Variants in EYA1 observed in about 807,000 individuals in gnomAD.
The protein encoded by EYA1 is EYA transcriptional coactivator and phosphatase 1.
A neutral mutation model predicts 82.0 loss-of-function variants in EYA1; 16 were observed. That is an observed-to-expected ratio of 0.20 (90% CI 0.13 to 0.30). EYA1 has a LOEUF of 0.30. EYA1 is among the 10% of genes least tolerant of loss of function. EYA1 has a pLI of 1.00. For missense variants in EYA1, 633 were observed against 730.7 expected, an observed-to-expected ratio of 0.87 and a Z score of 1.54; for synonymous variants, 261 against 264.4, an observed-to-expected ratio of 0.99 and a Z score of 0.12.
At chr8:71,274,363 A>C (rs766283449) in intron 9 of EYA1, among the ~76,000 whole-genome samples, 1 of 152,186 alleles carries the variant, frequency 6.6e-6, no homozygotes, top group Non-Finnish European at 1.5e-5. Flanking sequence ...CCAGACTCTA[A>C]CTTCTCCTTC....
chr8:71,417,134 C>T (rs1432562412), intron 2 of EYA1, among the ~76,000 whole-genome samples: 2 of 152,178 alleles, frequency 1.3e-5, no homozygotes, highest in Non-Finnish European at 2.9e-5. Context: ...CTTTGGGACT[C>T]GGACTGGCTT....
intron 1 of EYA1, among the ~76,000 whole-genome samples, chr8:71,360,059 C>T (rs774451054): frequency 6.6e-6 from 1 of 152,036 alleles, no homozygotes; most frequent in African/African-American, 2.4e-5. Context: ...TCTAGGGAGA[C>T]GTCAATGTTT....
intron 1 of EYA1, among the ~76,000 whole-genome samples, chr8:71,360,516 G>A (rs973031744): frequency 2.0e-5 from 3 of 152,242 alleles, no homozygotes; most frequent in Non-Finnish European, 4.4e-5. Flanking sequence ...GTCTGTCACC[G>A]CAAAGAATGT....
rs542278127 is a variant in EYA1, at chr8:71,437,591, C to T, written c.34-81080G>A. ...TTATTACTTTTTAAAAGAAATTTAA[C>T]GTTAAGGTAAATCATGCTCTAAAAT... On this transcript the variant is annotated intron_variant, in intron 2 of 18. Coordinates refer to the EYA1 transcript ENST00000643681. Among the ~76,000 whole-genome samples the T allele has an allele frequency of 2.0e-5, 3 of 151,970 alleles. No individual in the cohort carries two copies. In the South Asian group the frequency reaches 6.2e-4, roughly 32 times the overall value.
rs12115159 is a variant in EYA1, at chr8:71,356,825, T to C, written c.-54-314A>G. 738 of 912,432 alleles carry C rather than the reference T, an allele frequency of 8.1e-4. 2 individuals are homozygous for C. In the African/African-American group the frequency reaches 0.012, roughly 15 times the overall value. The allele number at this position is 912,432 out of a possible 1,614,324, so 56.5% of individuals were successfully genotyped here. A position where few individuals can be genotyped will look rare whatever the true frequency, so the allele number is the denominator to read the frequency against. ...CCCCAATCAACATGCAAAGCAGCCT[T>C]GCCCAGGCAGCTTGGAAAAGGTGCT... On this transcript the variant is annotated intron_variant, in intron 1 of 17. Coordinates refer to ENST00000340726, the MANE Select transcript of EYA1 (RefSeq NM_000503.6).
chr8:71,385,424 C>T (rs1409840051), intron 2 of EYA1, among the ~76,000 whole-genome samples: 1 of 151,754 alleles, frequency 6.6e-6, no homozygotes, highest in Non-Finnish European at 1.5e-5. Flanking sequence ...AATGTAGGTA[C>T]AAAAAAAGAG....
At chr8:71,538,822 C>T (rs555626682) in intron 1 of EYA1, among the ~76,000 whole-genome samples, 3 of 152,120 alleles carry the variant, frequency 2.0e-5, no homozygotes, top group African/African-American at 7.2e-5. Flanking sequence ...GTGTGGAGTA[C>T]CAGAGGCAGG....
chr8:71,374,390 C>T, intron 2 of EYA1, among the ~76,000 whole-genome samples: 1 of 152,116 alleles, frequency 6.6e-6, no homozygotes, highest in Non-Finnish European at 1.5e-5. Flanking sequence ...AGATAATCAA[C>T]ATCACTAATC....
intron 2 of EYA1, among the ~76,000 whole-genome samples, chr8:71,462,334 T>C (rs1487861081): frequency 2.0e-5 from 3 of 152,030 alleles, no homozygotes; most frequent in African/African-American, 7.2e-5. Context: ...GCTCCAAGTG[T>C]GCACACACCC....
chr8:71,285,471 G>A (rs1818268321), intron 9 of EYA1, among the ~76,000 whole-genome samples: 1 of 152,136 alleles, frequency 6.6e-6, no homozygotes, highest in Admixed American at 6.5e-5. Flanking sequence ...CAGAGAAAGT[G>A]TACTCCTTAC....
chr8:71,516,391 GACA>G (rs1812976935), intron 2 of EYA1, among the ~76,000 whole-genome samples: 1 of 152,048 alleles, frequency 6.6e-6, no homozygotes, highest in Non-Finnish European at 1.5e-5. Flanking sequence ...GGTGAGAGAG[GACA>G]ACTAGTTGGA....
intron 3 of EYA1, 116 bp downstream of exon 3, chr8:71,354,666 G>T: frequency 9.9e-7 from 1 of 1,006,314 alleles, no homozygotes. Context: ...ACCTAAAGGG[G>T]AAATATAAGA....
At chr8:71,354,341 A>G (rs1382505969) in intron 3 of EYA1, among the ~76,000 whole-genome samples, 1 of 152,184 alleles carries the variant, frequency 6.6e-6, no homozygotes, top group African/African-American at 2.4e-5. Flanking sequence ...TGATATTTAC[A>G]AACAATCCAG....
intron 4 of EYA1, among the ~76,000 whole-genome samples, chr8:71,326,626 CCTGGGAGAG>C (rs777294299): frequency 3.3e-5 from 5 of 152,188 alleles, no homozygotes; most frequent in African/African-American, 4.8e-5. Flanking sequence ...CAGGCCTGTT[CCTGGGAGAG>C]CTGGGGCTCC....
intron 11 of EYA1, among the ~76,000 whole-genome samples, chr8:71,249,892 A>G (rs920323185): frequency 1.4e-4 from 22 of 152,198 alleles, no homozygotes; most frequent in African/African-American, 5.1e-4. Context: ...CATTCTTTAG[A>G]GGAATGGCAT....
In EYA1 at chr8:71,285,936, A is replaced by G. The variant is rs144156658; in HGVS notation, c.826+13111T>C. ...AGAAGGGTTTAAGATAACCCACCAA[A>G]TATATACATAATAACTATACAGTCA... On this transcript the variant is annotated intron_variant, in intron 9 of 17. Coordinates refer to ENST00000340726, the MANE Select transcript of EYA1 (RefSeq NM_000503.6). 4.4e-3 allele frequency among the ~76,000 whole-genome samples: 669 copies of G among 152,350 alleles called. 6 individuals carry two copies. Among genetic ancestry groups the G allele is most frequent in the African/African-American group, 0.015 (606 of 41,572 alleles).
intron 2 of EYA1, among the ~76,000 whole-genome samples, chr8:71,405,784 A>ACAAAG (rs1830186675): frequency 6.9e-6 from 1 of 144,922 alleles, no homozygotes; most frequent in Non-Finnish European, 1.5e-5. Context: ...AAAAACAAAA[A>ACAAAG]CAAAGAGCAA....
At chr8:71,503,787 G>T (rs1340157066) in intron 2 of EYA1, among the ~76,000 whole-genome samples, 1 of 152,146 alleles carries the variant, frequency 6.6e-6, no homozygotes, top group African/African-American at 2.4e-5. Context: ...GTAAACTGAA[G>T]CTTGTCAAGG....
At chr8:71,419,140 G>A (rs1304476661) in intron 2 of EYA1, among the ~76,000 whole-genome samples, 1 of 152,090 alleles carries the variant, frequency 6.6e-6, no homozygotes, top group Non-Finnish European at 1.5e-5. Context: ...GGTTTGAGCA[G>A]AGGCATGGCA....
Sources: gnomAD v4.1 joint callset for allele counts (sites outside exome capture counted in the v4.1 genomes callset) on GRCh38, gnomAD v4.1.1 for gene constraint, MANE v1.5 for transcripts, NCBI Gene and HGNC (gene_info 2026-07-23, HGNC 2026-07-21) for gene names.